The following TF variants were observed in gnomAD, a reference collection of about 807,000 sequenced individuals.
TF encodes transferrin.
Under a neutral mutation model 82.4 loss-of-function variants are expected in TF, and 55 were observed. That is an observed-to-expected ratio of 0.67 (90% CI 0.54 to 0.84). The LOEUF (loss-of-function observed/expected upper bound fraction) is 0.84. TF is among the 40% of genes least tolerant of loss of function. TF has a pLI of 0.00. For synonymous variants in TF, 332 were observed against 332.6 expected (o/e 1.00, Z 0.02); for missense variants, 737 against 868.4 (o/e 0.85, Z 1.90).
chr3:133,692,481 A>G, the TF span, among the ~76,000 whole-genome samples: 2 of 152,140 alleles, frequency 1.3e-5, no homozygotes, highest in Non-Finnish European at 2.9e-5. Context: ...CTGGGTGCTG[A>G]AGCGCTCCCT....
In TF at chr3:133,780,081, G is replaced by C. The variant is rs1176589624; in HGVS notation, c.*1461G>C. 6.6e-6 allele frequency: 1 copy of C among 152,136 alleles called. No homozygotes were observed. The highest frequency in any genetic ancestry group is 2.4e-5 in the African/African-American group (1 of 41,414). The allele number at this position is 152,136 out of a possible 1,614,324, so 9.4% of individuals were successfully genotyped here. A position where few individuals can be genotyped will look rare whatever the true frequency, so the allele number is the denominator to read the frequency against. ...TACTCAAATACAGAAGTGCAGATAA[G>C]GGGTATCTGGACACAACATTCCACA... is the stretch of plus-strand genomic sequence containing the variant. On this transcript the variant is annotated 3_prime_UTR_variant, in exon 17 of 17. Transcript: ENST00000402696.
chr3:133,754,842 G>A (rs1933780162), intron 4 of TF, among the ~76,000 whole-genome samples, 171 bp downstream of exon 4: 1 of 152,236 alleles, frequency 6.6e-6, no homozygotes, highest in East Asian at 1.9e-4. Context: ...CACTTGGGAG[G>A]TGGAGCTGAG....
At chr3:133,739,084 C>G in the TF span, among the ~76,000 whole-genome samples, 51 of 152,244 alleles carry the variant, frequency 3.3e-4, no homozygotes, top group Middle Eastern at 6.8e-3. Context: ...CTACAGTAAC[C>G]AAAACAGCAG....
the TF span, among the ~76,000 whole-genome samples, chr3:133,718,990 G>C: frequency 6.6e-6 from 1 of 152,192 alleles, no homozygotes; most frequent in African/African-American, 2.4e-5. Context: ...CTGAAGATAG[G>C]AGAGAAAACT....
At chr3:133,725,138 G>A in the TF span, among the ~76,000 whole-genome samples, 2,520 of 152,218 alleles carry the variant, frequency 0.017, 51 homozygotes, top group South Asian at 0.092. Flanking sequence ...TGGCGATGGG[G>A]GCTCTTTTTT....
chr3:133,732,922 G>A, the TF span, among the ~76,000 whole-genome samples: 1 of 152,170 alleles, frequency 6.6e-6, no homozygotes, highest in South Asian at 2.1e-4. Context: ...GTGTATAGAA[G>A]TGAACGACCA....
At chr3:133,750,028 C>T (rs568312488) in intron 2 of TF, among the ~76,000 whole-genome samples, 1 of 152,206 alleles carries the variant, frequency 6.6e-6, no homozygotes, top group Non-Finnish European at 1.5e-5. Flanking sequence ...GACAGACACT[C>T]TATCCATCCT....
the TF span, among the ~76,000 whole-genome samples, chr3:133,686,184 T>C: frequency 1.9e-4 from 29 of 152,164 alleles, 1 homozygote; most frequent in African/African-American, 6.3e-4. Context: ...TTACACCTTA[T>C]AAAAACATTA....
intron 1 of TF, among the ~76,000 whole-genome samples, chr3:133,747,603 C>A (rs550459663): frequency 6.6e-6 from 1 of 152,318 alleles, no homozygotes; most frequent in Admixed American, 6.5e-5. Flanking sequence ...GTCTCTGCAA[C>A]CACATGGATT....
intron 14 of TF, 177 bp downstream of exon 14, chr3:133,770,749 C>G (rs1431882151): frequency 7.5e-6 from 6 of 797,174 alleles, no homozygotes; most frequent in Non-Finnish European, 1.3e-5. Flanking sequence ...GCAGAATGAT[C>G]AGGATTATGG....
chr3:133,776,339 G>A (rs1207926782), intron 15 of TF, among the ~76,000 whole-genome samples: 1 of 152,188 alleles, frequency 6.6e-6, no homozygotes, highest in African/African-American at 2.4e-5. Flanking sequence ...GTTGAAGACA[G>A]GGGCTGCCTG....
At chr3:133,737,070 T>G in the TF span, among the ~76,000 whole-genome samples, 1 of 152,010 alleles carries the variant, frequency 6.6e-6, no homozygotes, top group Non-Finnish European at 1.5e-5. Context: ...TAATCGAAAG[T>G]AAAACACTCC....
Position 133,764,231 on chromosome 3 carries a change from C to T in TF, c.1253C>T (p.Ala418Val). Residue 418 changes from alanine to valine, a missense_variant, in exon 10 of 17, where the codon GCG (alanine) becomes GTG (valine). By Grantham distance (64) the Ala-to-Val change is moderately conservative. Transcript: ENST00000402696. ...MSLDGGFVYI[A>V]GKCGLVPVLA... ...TTGGATGGAGGGTTTGTCTACATAG[C>T]GGGCAAGTGTGGTCTGGTGCCTGTC... 4.3e-6 allele frequency: 7 copies of T among 1,613,868 alleles called. No individual in the cohort carries two copies. The highest frequency in any genetic ancestry group is 1.1e-5 in the South Asian group (1 of 91,072).
At position 133,789,009 on chromosome 3, in the gene TF, C is replaced by G. The variant is rs528733839; in HGVS notation, c.*10389C>G. On this transcript the variant is annotated 3_prime_UTR_variant, in exon 17 of 17. Transcript: ENST00000402696. ...ATTACACCCAGGAACCAAAGGACAG[C>G]TCACAATTGCCTCTGGAGGGAAAAT... 73 of 152,412 alleles carry G rather than the reference C, an allele frequency of 4.8e-4. No homozygotes were observed. The highest frequency in any genetic ancestry group is 1.7e-3 in the African/African-American group (71 of 41,594). The allele number at this position is 152,412 out of a possible 1,614,324, so 9.4% of individuals were successfully genotyped here.
At chr3:133,707,190 T>TCACACACA in the TF span, among the ~76,000 whole-genome samples, 28,658 of 144,492 alleles carry the variant, frequency 0.2, 3,133 homozygotes, top group Admixed American at 0.3. Context: ...AACCTCAGAG[T>TCACACACA]CACACACACA....
At chr3:133,703,875 T>C in the TF span, among the ~76,000 whole-genome samples, 5 of 152,342 alleles carry the variant, frequency 3.3e-5, no homozygotes, top group Admixed American at 3.3e-4. Context: ...ACATATCCCA[T>C]AGAAACAGGT....
rs1019868555 is a variant in TF at position 133,786,315 on chromosome 3, T to C, written c.*7695T>C. Reference sequence around the variant, plus strand: ...TATGTTAAAATTAGAGATAGTAAAATAACACATTTTGTAAATCTTTTTGTT... The same window carrying C: ...TATGTTAAAATTAGAGATAGTAAAACAACACATTTTGTAAATCTTTTTGTT... On this transcript the variant is annotated 3_prime_UTR_variant, in exon 17 of 17. Transcript: ENST00000402696. The C allele has an allele frequency of 4.0e-5, 6 of 151,666 alleles. No homozygotes were observed. The highest frequency in any genetic ancestry group is 7.4e-5 in the Non-Finnish European group (5 of 67,990). 9.4% of individuals were successfully genotyped at this position (151,666 alleles called of 1,614,324 possible). A position where few individuals can be genotyped will look rare whatever the true frequency, so the allele number is the denominator to read the frequency against.
At chr3:133,758,647 C>T (rs1327987467) in intron 8 of TF, among the ~76,000 whole-genome samples, 2 of 152,152 alleles carry the variant, frequency 1.3e-5, no homozygotes, top group Non-Finnish European at 1.5e-5. Flanking sequence ...CTGGACTTGG[C>T]GTTAAGGCAA....
the TF span, among the ~76,000 whole-genome samples, chr3:133,737,740 A>G: frequency 6.6e-6 from 1 of 152,230 alleles, no homozygotes; most frequent in African/African-American, 2.4e-5. Context: ...CTGGACACAT[A>G]CACCCTCCCA....
Sources: allele counts gnomAD v4.1 joint callset (sites outside exome capture counted in the v4.1 genomes callset), GRCh38; gene constraint gnomAD v4.1.1; transcripts MANE v1.5; gene names NCBI Gene and HGNC (gene_info 2026-07-23, HGNC 2026-07-21).